Variants in P2RX5 observed in about 807,000 individuals in gnomAD.
P2RX5 encodes the protein P2X purinoceptor 5.
Under a neutral mutation model 54.1 loss-of-function variants are expected in P2RX5, and 46 were observed. The ratio of observed to expected loss-of-function variants is 0.85; its 90% CI spans 0.67 to 1.09. The LOEUF is 1.09. Ranked by LOEUF, P2RX5 falls within the 50% of genes least tolerant of loss-of-function variation. The pLI is 0.00. For synonymous variants in P2RX5, 226 were observed against 226.4 expected, an observed-to-expected ratio of 1.00 and a Z score of 0.02; for missense variants, 566 against 549.8, an observed-to-expected ratio of 1.03 and a Z score of -0.29.
chr17:3,699,853 A>AAAAGAAAGAAAG (rs752465811), upstream of P2RX5, among the ~76,000 whole-genome samples: 662 of 79,992 alleles, frequency 8.3e-3, 45 homozygotes, highest in East Asian at 0.059. Flanking sequence ...AGAAAAAGAA[A>AAAAGAAAGAAAG]AAAGAAAGAA....
chr17:3,695,229 C>T (rs904972073), intron 1 of P2RX5, among the ~76,000 whole-genome samples: 4 of 152,334 alleles, frequency 2.6e-5, no homozygotes, highest in South Asian at 2.1e-4. Context: ...CCACAAGTTG[C>T]CTCTTTGGCT....
intron 1 of P2RX5, among the ~76,000 whole-genome samples, chr17:3,693,817 A>G (rs1353254825): frequency 1.3e-5 from 2 of 152,082 alleles, no homozygotes; most frequent in Non-Finnish European, 2.9e-5. Context: ...ATGTTCTCAG[A>G]AGCATTCTTC....
At chr17:3,711,635 GCGCCTCC>G in the P2RX5 span, among the ~76,000 whole-genome samples, 1 of 151,950 alleles carries the variant, frequency 6.6e-6, no homozygotes, top group Admixed American at 6.6e-5. Flanking sequence ...GCCCACGTCG[GCGCCTCC>G]CGAAGTGCTG....
At chr17:3,699,622 T>C (rs553564309), upstream of P2RX5, among the ~76,000 whole-genome samples, 1 of 151,622 alleles carries the variant, frequency 6.6e-6, no homozygotes, top group Admixed American at 6.6e-5. Flanking sequence ...CTAACCAACA[T>C]GGTGAAACCC....
At chr17:3,689,931 C>T in intron 6 of P2RX5, 139 bp downstream of exon 6, 2 of 874,480 alleles carry the variant, frequency 2.3e-6, no homozygotes, top group Non-Finnish European at 3.9e-6. Flanking sequence ...CACGCGCACA[C>T]ACGCACACAC....
chr17:3,689,917 C>T (rs1017525936), intron 6 of P2RX5, among the ~76,000 whole-genome samples, 153 bp downstream of exon 6: 1 of 152,188 alleles, frequency 6.6e-6, no homozygotes, highest in African/African-American at 2.4e-5. Flanking sequence ...CACACAGACA[C>T]ATGCACGCGC....
upstream of P2RX5, among the ~76,000 whole-genome samples, chr17:3,698,692 C>G (rs1406684016): frequency 1.3e-5 from 2 of 152,096 alleles, no homozygotes; most frequent in Admixed American, 1.3e-4. Context: ...GTACAGGCAG[C>G]CCCTCCTGAA....
the P2RX5 span, among the ~76,000 whole-genome samples, chr17:3,710,883 G>A: frequency 4.6e-5 from 7 of 151,942 alleles, no homozygotes; most frequent in African/African-American, 1.2e-4. Flanking sequence ...AGCCGAGATC[G>A]CACCACTGCA....
At chr17:3,678,154 G>T (rs145557473) in intron 11 of P2RX5, 1 of 965,342 alleles carries the variant, frequency 1.0e-6, no homozygotes, top group Non-Finnish European at 1.2e-6. Flanking sequence ...TGGGCGGGAG[G>T]GGGCGCACAG....
chr17:3,697,166 G>A (rs1210507592), upstream of P2RX5, among the ~76,000 whole-genome samples: 3 of 151,466 alleles, frequency 2.0e-5, no homozygotes, highest in Admixed American at 1.3e-4. Flanking sequence ...CGGGGTGGGG[G>A]CGGGGAGACA....
chr17:3,722,699 T>G, the P2RX5 span, among the ~76,000 whole-genome samples: 2 of 151,956 alleles, frequency 1.3e-5, no homozygotes, highest in African/African-American at 2.4e-5. Flanking sequence ...GGAGATGAAG[T>G]TGAAGAATTA....
At chr17:3,684,979 G>A (rs2050398458) in intron 9 of P2RX5, among the ~76,000 whole-genome samples, 1 of 151,686 alleles carries the variant, frequency 6.6e-6, no homozygotes, top group Non-Finnish European at 1.5e-5. Flanking sequence ...CTGAGCAGCT[G>A]GGATTACAAG....
chr17:3,704,617 C>T, the P2RX5 span, among the ~76,000 whole-genome samples: 1 of 152,186 alleles, frequency 6.6e-6, no homozygotes, highest in African/African-American at 2.4e-5. Flanking sequence ...TACTCAGTAC[C>T]CAGCGCCCAA....
At chr17:3,716,832 G>T in the P2RX5 span, 1 of 1,260,646 alleles carries the variant, frequency 7.9e-7, no homozygotes, top group Non-Finnish European at 1.1e-6. Flanking sequence ...CAATAAATCA[G>T]GTGAAGCAAA....
the P2RX5 span, among the ~76,000 whole-genome samples, chr17:3,702,317 T>C: frequency 6.8e-6 from 1 of 146,254 alleles, no homozygotes; most frequent in Non-Finnish European, 1.5e-5. Context: ...TAGCTAAAGA[T>C]TGTAAACGCA....
chr17:3,709,462 T>C, the P2RX5 span, among the ~76,000 whole-genome samples: 4 of 152,218 alleles, frequency 2.6e-5, no homozygotes, highest in Admixed American at 6.5e-5. Context: ...AACTCTGCTA[T>C]TAGGACGACG....
upstream of P2RX5, chr17:3,696,374 C>A (rs1465785439): frequency 5.9e-6 from 1 of 169,018 alleles, no homozygotes; most frequent in African/African-American, 2.4e-5. Context: ...CCGCCCTGTG[C>A]TGTTGCCCAG....
the P2RX5 span, among the ~76,000 whole-genome samples, chr17:3,708,642 G>A: frequency 3.8e-3 from 571 of 152,200 alleles, 6 homozygotes; most frequent in African/African-American, 0.013. Context: ...AAAGCACTTC[G>A]GCACTGCAGA....
chr17:3,723,316 G>A, the P2RX5 span: 18 of 1,613,178 alleles, frequency 1.1e-5, no homozygotes, highest in South Asian at 2.0e-4. Flanking sequence ...GGAGATCTCT[G>A]CAGCCACGGT....
Sources: gnomAD v4.1 joint callset for allele counts (sites outside exome capture counted in the v4.1 genomes callset) on GRCh38, gnomAD v4.1.1 for gene constraint, MANE v1.5 for transcripts, NCBI Gene and HGNC (gene_info 2026-07-23, HGNC 2026-07-21) for gene names.